KIAA1217: variants seen among roughly 807,000 people sequenced by gnomAD.
The protein encoded by KIAA1217 is sickle tail protein homolog.
In KIAA1217, 88 loss-of-function variants were observed where a neutral mutation model predicts 163.9. The ratio of observed to expected loss-of-function variants is 0.54; its 90% CI spans 0.45 to 0.64. The LOEUF (loss-of-function observed/expected upper bound fraction) is 0.64. KIAA1217 is among the 30% of genes least tolerant of loss of function. KIAA1217 has a pLI of 0.00. For missense variants in KIAA1217, 2,372 were observed against 2,475.0 expected (o/e 0.96, Z 0.88); for synonymous variants, 903 against 923.1 (o/e 0.98, Z 0.39).
chr10:23,715,657 T>A (rs1837524893), intron 1 of KIAA1217, among the ~76,000 whole-genome samples: 1 of 152,188 alleles, frequency 6.6e-6, no homozygotes, highest in African/African-American at 2.4e-5. Flanking sequence ...GACTAACATG[T>A]AAATTTGAGA....
intron 2 of KIAA1217, among the ~76,000 whole-genome samples, chr10:24,162,332 G>T (rs2065157290): frequency 6.6e-6 from 1 of 152,214 alleles, no homozygotes. Context: ...ACATCAAACT[G>T]CTGCCATGCC....
chr10:24,326,692 A>G (rs2044948607), intron 2 of KIAA1217, among the ~76,000 whole-genome samples: 2 of 152,104 alleles, frequency 1.3e-5, no homozygotes, highest in South Asian at 4.1e-4. Context: ...TTATTTTCTC[A>G]ACTGGGCTGT....
At chr10:24,256,174 G>A (rs562350777) in intron 2 of KIAA1217, among the ~76,000 whole-genome samples, 17 of 151,828 alleles carry the variant, frequency 1.1e-4, no homozygotes, top group African/African-American at 3.4e-4. Flanking sequence ...TGTCACCTTC[G>A]CAAAGTGCAG....
intron 2 of KIAA1217, among the ~76,000 whole-genome samples, chr10:24,159,644 G>T (rs1357833664): frequency 6.6e-6 from 1 of 151,936 alleles, no homozygotes; most frequent in African/African-American, 2.4e-5. Context: ...TTAGCTCGGC[G>T]TGCTGGCAGA....
chr10:23,778,304 T>C (rs1299579099), intron 1 of KIAA1217, among the ~76,000 whole-genome samples: 1 of 152,210 alleles, frequency 6.6e-6, no homozygotes, highest in Non-Finnish European at 1.5e-5. Context: ...TTTTATTTCA[T>C]AATTTGAACA....
rs1442721921 is a variant in KIAA1217 at position 24,276,859 on chromosome 10, C to A, written c.354+56950C>A. The stretch of plus-strand genomic sequence containing the variant: ...TCCTGACCTTGTGATCCGTCCGCCT[C>A]AGCCTCTCAAAGTGCTGGGATTACA... On this transcript the variant is annotated intron_variant, in intron 2 of 20. Coordinates refer to ENST00000376454, the MANE Select transcript of KIAA1217 (RefSeq NM_019590.5). Among the ~76,000 whole-genome samples the A allele has an allele frequency of 3.3e-5, 5 of 152,098 alleles. No individual in the cohort carries two copies. In the East Asian group the frequency reaches 9.7e-4, roughly 29 times the overall value.
upstream of KIAA1217, among the ~76,000 whole-genome samples, chr10:24,205,471 G>A (rs749746125): frequency 2.3e-4 from 34 of 148,754 alleles, no homozygotes; most frequent in African/African-American, 7.4e-4. Context: ...GCAAAACTCC[G>A]TCTCAAAAAA....
intron 3 of KIAA1217, among the ~76,000 whole-genome samples, chr10:24,429,638 T>C (rs1051396535): frequency 6.6e-6 from 1 of 152,192 alleles, no homozygotes; most frequent in Non-Finnish European, 1.5e-5. Flanking sequence ...CTCCCCCTTT[T>C]TCTGGACTGT....
intron 1 of KIAA1217, among the ~76,000 whole-genome samples, chr10:24,216,204 T>C (rs1414438453): frequency 6.6e-6 from 1 of 152,088 alleles, no homozygotes; most frequent in African/African-American, 2.4e-5. Context: ...CCCTTCCATC[T>C]CCCTTCCCAA....
intron 3 of KIAA1217, among the ~76,000 whole-genome samples, chr10:24,406,392 A>AACACACACACACACACAC (rs34564889): frequency 0.014 from 1,836 of 133,814 alleles, 28 homozygotes; most frequent in African/African-American, 0.058. Flanking sequence ...TTCACACACA[A>AACACACACACACACACAC]ACACACACAC....
chr10:23,934,581 A>G (rs369992125), intron 1 of KIAA1217, among the ~76,000 whole-genome samples: 7,535 of 64,412 alleles, frequency 0.12, 982 homozygotes, highest in African/African-American at 0.35. Flanking sequence ...ATATATATAT[A>G]TATATATATG....
At chr10:24,088,230 C>A (rs1340801878) in intron 2 of KIAA1217, among the ~76,000 whole-genome samples, 1 of 105,976 alleles carries the variant, frequency 9.4e-6, no homozygotes, top group African/African-American at 3.3e-5. Context: ...AACTTGTGTC[C>A]TCCCAGGCTC....
intron 2 of KIAA1217, among the ~76,000 whole-genome samples, chr10:24,052,181 T>A (rs923546292): frequency 4.4e-4 from 67 of 152,144 alleles, no homozygotes; most frequent in African/African-American, 1.5e-3. Context: ...TTTATTGGAT[T>A]TTATCTATGT....
At chr10:24,226,002 C>G (rs902551363) in intron 2 of KIAA1217, among the ~76,000 whole-genome samples, 1 of 152,070 alleles carries the variant, frequency 6.6e-6, no homozygotes, top group African/African-American at 2.4e-5. Flanking sequence ...GGGTACAGAG[C>G]CACAGAATTC....
At chr10:24,388,478 C>A (rs898409046) in intron 3 of KIAA1217, among the ~76,000 whole-genome samples, 9 of 152,152 alleles carry the variant, frequency 5.9e-5, no homozygotes, top group African/African-American at 2.2e-4. Context: ...CTAGGCAATA[C>A]CATTCAGGAC....
chr10:24,360,726 C>T (rs938708308), intron 2 of KIAA1217, among the ~76,000 whole-genome samples: 7 of 152,190 alleles, frequency 4.6e-5, no homozygotes, highest in South Asian at 2.1e-4. Context: ...TGGTGCAACT[C>T]GAAACGTAAT....
At chr10:24,176,625 C>T (rs896149032) in intron 2 of KIAA1217, among the ~76,000 whole-genome samples, 2 of 152,254 alleles carry the variant, frequency 1.3e-5, no homozygotes, top group East Asian at 1.9e-4. Context: ...CATAAAAGTT[C>T]TCCAAGTCCC....
At chr10:24,485,421 C>T (rs1302741872) in intron 6 of KIAA1217, among the ~76,000 whole-genome samples, 2 of 152,202 alleles carry the variant, frequency 1.3e-5, no homozygotes, top group Non-Finnish European at 2.9e-5. Flanking sequence ...GCTCTTTCTG[C>T]TGCTTCGTGC....
intron 1 of KIAA1217, among the ~76,000 whole-genome samples, chr10:23,806,258 C>T (rs771731865): frequency 5.9e-5 from 9 of 151,938 alleles, no homozygotes; most frequent in Non-Finnish European, 1.2e-4. Flanking sequence ...CCATTATTGC[C>T]TGATAATATT....
Sources: gnomAD v4.1 joint callset for allele counts (sites outside exome capture counted in the v4.1 genomes callset) on GRCh38, gnomAD v4.1.1 for gene constraint, MANE v1.5 for transcripts, NCBI Gene and HGNC (gene_info 2026-07-23, HGNC 2026-07-21) for gene names.